VTI1A: variants seen among roughly 807,000 people sequenced by gnomAD.
The protein encoded by VTI1A is vesicle transport through interaction with t-SNAREs homolog 1A.
VTI1A carries 22 observed loss-of-function variants against 34.9 expected under a neutral mutation model. The ratio of observed to expected loss-of-function variants is 0.63; its 90% confidence interval spans 0.45 to 0.90. The LOEUF (loss-of-function observed/expected upper bound fraction) is 0.90. Among genes scored for constraint, VTI1A ranks in the 40% least tolerant of loss-of-function variants. The pLI is 0.00. For synonymous variants in VTI1A, 87 were observed against 97.3 expected (o/e 0.89, Z 0.62); for missense variants, 268 against 275.6 (o/e 0.97, Z 0.20).
chr10:112,473,875 C>G (rs982281287), intron 3 of VTI1A, among the ~76,000 whole-genome samples: 1 of 152,104 alleles, frequency 6.6e-6, no homozygotes, highest in Non-Finnish European at 1.5e-5. Context: ...TTTATAGACT[C>G]TAGAATTAAA....
the VTI1A span, among the ~76,000 whole-genome samples, chr10:112,833,401 C>G: frequency 6.6e-6 from 1 of 152,004 alleles, no homozygotes; most frequent in Non-Finnish European, 1.5e-5. Context: ...TCATTCTCTT[C>G]CCTGCCTCGC....
chr10:112,716,725 G>A (rs1336259047), intron 7 of VTI1A, among the ~76,000 whole-genome samples: 1 of 152,086 alleles, frequency 6.6e-6, no homozygotes, highest in East Asian at 1.9e-4. Flanking sequence ...GGAGCACTTT[G>A]GATTTCTGAT....
At chr10:112,475,261 A>G (rs571028125) in intron 3 of VTI1A, among the ~76,000 whole-genome samples, 5 of 152,238 alleles carry the variant, frequency 3.3e-5, no homozygotes, top group Non-Finnish European at 7.3e-5. Context: ...GTAGAATTTT[A>G]TAACCTGTAA....
At position 112,541,356 on chromosome 10, in the gene VTI1A, T is replaced by C. The variant is rs183527310; in HGVS notation, c.427+3026T>C. On this transcript the variant is annotated intron_variant, in intron 5 of 7. Transcript: ENST00000393077. ...TCTTATATTTGCAAAATGGAAACTG[T>C]CAACCAGATTCTATGTATCCCTTAA... Among the ~76,000 whole-genome samples the C allele has an allele frequency of 3.9e-5, 6 of 152,304 alleles. No individual in the cohort carries two copies. The East Asian group carries it at 1.2e-3, about 29-fold the overall frequency.
At chr10:112,798,364 T>C (rs1256748547) in intron 7 of VTI1A, among the ~76,000 whole-genome samples, 1 of 152,164 alleles carries the variant, frequency 6.6e-6, no homozygotes, top group African/African-American at 2.4e-5. Flanking sequence ...CACCTTATTA[T>C]TGGTACTTAG....
chr10:112,702,584 T>C (rs1369574237), intron 7 of VTI1A, among the ~76,000 whole-genome samples: 2 of 151,610 alleles, frequency 1.3e-5, no homozygotes, highest in African/African-American at 4.8e-5. Flanking sequence ...CACACCCAGC[T>C]AATTTATTTT....
chr10:112,653,393 G>C (rs1847109586), intron 5 of VTI1A, among the ~76,000 whole-genome samples: 1 of 152,170 alleles, frequency 6.6e-6, no homozygotes, highest in South Asian at 2.1e-4. Context: ...GTGTGTTTGT[G>C]CGAAGTATAG....
chr10:112,483,757 A>G (rs1478217911), intron 3 of VTI1A, among the ~76,000 whole-genome samples: 2 of 141,848 alleles, frequency 1.4e-5, no homozygotes, highest in African/African-American at 5.4e-5. Flanking sequence ...CTCAGTCTAG[A>G]ATGACGTTGA....
At chr10:112,737,037 C>T (rs1216760163) in intron 7 of VTI1A, 19 of 472,460 alleles carry the variant, frequency 4.0e-5, no homozygotes, top group East Asian at 3.8e-4. Context: ...GGGAGAAACC[C>T]ATTACATAGT....
chr10:112,498,741 A>G (rs1048648342), intron 3 of VTI1A, among the ~76,000 whole-genome samples: 1 of 151,720 alleles, frequency 6.6e-6, no homozygotes, highest in African/African-American at 2.4e-5. Flanking sequence ...AGTTTTGACC[A>G]CCATTTTTTT....
At chr10:112,798,799 G>T (rs1173406204) in intron 7 of VTI1A, among the ~76,000 whole-genome samples, 4 of 152,160 alleles carry the variant, frequency 2.6e-5, no homozygotes, top group African/African-American at 9.7e-5. Context: ...ACCCTACAAG[G>T]CTGCCTTTGC....
chr10:112,520,526 T>C (rs1281544065), intron 3 of VTI1A, among the ~76,000 whole-genome samples: 1 of 151,870 alleles, frequency 6.6e-6, no homozygotes, highest in African/African-American at 2.4e-5. Context: ...AGCAGCAATA[T>C]GGGCAGAGTT....
chr10:112,698,494 T>A (rs1848873892), intron 7 of VTI1A, among the ~76,000 whole-genome samples: 1 of 152,202 alleles, frequency 6.6e-6, no homozygotes, highest in African/African-American at 2.4e-5. Context: ...TAGCTTCAGT[T>A]TTTTTAAGTT....
In VTI1A at chr10:112,741,014, C is replaced by A. The variant is rs188261388; in HGVS notation, c.560+72016C>A. 4.6e-5 allele frequency among the ~76,000 whole-genome samples: 7 copies of A among 152,292 alleles called. No homozygotes were observed. The East Asian group carries it at 1.2e-3, about 25-fold the overall frequency. Reference sequence around the variant, plus strand: ...GAAGTACTAATCCAACATGGATAAACCTGAAAACATGCTCAGTAAAAGAAG... The same window carrying A: ...GAAGTACTAATCCAACATGGATAAAACTGAAAACATGCTCAGTAAAAGAAG... On this transcript the variant is annotated intron_variant, in intron 7 of 7. Coordinates refer to ENST00000393077, the MANE Select transcript of VTI1A (RefSeq NM_145206.4).
chr10:112,577,589 G>A (rs1843757303), intron 5 of VTI1A, among the ~76,000 whole-genome samples: 1 of 152,130 alleles, frequency 6.6e-6, no homozygotes, highest in African/African-American at 2.4e-5. Context: ...ATAACATTGT[G>A]AACAAATAAC....
chr10:112,793,074 C>G (rs958268655), intron 7 of VTI1A, among the ~76,000 whole-genome samples: 4 of 152,182 alleles, frequency 2.6e-5, no homozygotes, highest in African/African-American at 9.7e-5. Context: ...AGGGCTGGGG[C>G]TGAGGCTGCC....
chr10:112,555,957 CTGT>C (rs1408212179), intron 5 of VTI1A, among the ~76,000 whole-genome samples: 2 of 151,930 alleles, frequency 1.3e-5, no homozygotes, highest in Non-Finnish European at 2.9e-5. Flanking sequence ...ACTTGATTTA[CTGT>C]TGTTATTAAT....
At chr10:112,447,525 G>A in intron 1 of VTI1A, 58 bp downstream of exon 1, 2 of 1,576,170 alleles carry the variant, frequency 1.3e-6, no homozygotes, top group Non-Finnish European at 1.7e-6. Context: ...GGTGCGGGCG[G>A]TGGAACGCCG....
At chr10:112,551,243 CAAAAAAAAAAA>C (rs1161935841) in intron 5 of VTI1A, among the ~76,000 whole-genome samples, 1 of 22,074 alleles carries the variant, frequency 4.5e-5, no homozygotes, top group Non-Finnish European at 1.2e-4. Context: ...TACTCCATCT[CAAAAAAAAAAA>C]AAAAAAAAAA....
Sources: gnomAD v4.1 joint callset for allele counts (sites outside exome capture counted in the v4.1 genomes callset) on GRCh38, gnomAD v4.1.1 for gene constraint, MANE v1.5 for transcripts, NCBI Gene and HGNC (gene_info 2026-07-23, HGNC 2026-07-21) for gene names.